SOS2: variants seen among roughly 807,000 people sequenced by gnomAD.
The protein encoded by SOS2 is son of sevenless homolog 2.
In SOS2, 65 loss-of-function variants were observed where a neutral mutation model predicts 148.2. That is an observed-to-expected ratio of 0.44 (90% CI 0.36 to 0.54). SOS2 has a LOEUF of 0.54. Among genes scored for constraint, SOS2 ranks in the 20% least tolerant of loss-of-function variants. The pLI, the probability that SOS2 is intolerant of heterozygous loss-of-function variation, is 0.00. For synonymous variants in SOS2, 539 were observed against 537.1 expected (o/e 1.00, Z -0.05); for missense variants, 1,341 against 1,590.2 (o/e 0.84, Z 2.67).
At chr14:50,183,890 C>T (rs1242496043) in intron 5 of SOS2, among the ~76,000 whole-genome samples, 3 of 152,154 alleles carry the variant, frequency 2.0e-5, no homozygotes, top group African/African-American at 4.8e-5. Flanking sequence ...CTGAGAAATG[C>T]GCTGTTAGGC....
rs141050037 is a variant in SOS2, at chr14:50,220,160, G to A, written c.87+11037C>T. On this transcript the variant is annotated intron_variant, in intron 1 of 22. Coordinates refer to ENST00000216373, the MANE Select transcript of SOS2 (RefSeq NM_006939.4). ...TCACGCCTGTAATCCCAGCACTTTG[G>A]GAGGCCGAAGCGGGCAGATCACGAG... Among the ~76,000 whole-genome samples the A allele has an allele frequency of 6.5e-3, 987 of 151,330 alleles. 11 individuals carry two copies. The highest frequency in any genetic ancestry group is 0.023 in the African/African-American group (929 of 41,170).
Position 50,134,171 on chromosome 14 carries a change from G to T in SOS2, c.3027C>A (p.Asn1009Lys). The change falls in exon 19 of 23, where the codon AAC becomes AAA. Residue 1009 changes from asparagine to lysine, a missense_variant. This residue lies in a region of SOS2 where 408 missense variants were observed against 506.6 expected (regional missense o/e 0.81). Transcript: ENST00000216373. Reference sequence around the variant, plus strand: ...TTCGAGGTTCAATTTCTAGTGACTTGTTGAACAAATAATCTGTAAACTCTT... The same window carrying T: ...TTCGAGGTTCAATTTCTAGTGACTTTTTGAACAAATAATCTGTAAACTCTT... ...SEKEFTDYLFNKSLEIEPRNC... is the reference protein window; with the variant it reads ...SEKEFTDYLFKKSLEIEPRNC... 6.2e-7 allele frequency: 1 copy of T among 1,609,098 alleles called. No homozygotes were observed. Among genetic ancestry groups the T allele is most frequent in the Non-Finnish European group, 8.5e-7 (1 of 1,176,076 alleles).
intron 1 of SOS2, among the ~76,000 whole-genome samples, chr14:50,227,568 C>T (rs1318221791): frequency 6.6e-6 from 1 of 152,128 alleles, no homozygotes; most frequent in Non-Finnish European, 1.5e-5. Flanking sequence ...CGTCCGCCAC[C>T]ACGCCCGGCT....
intron 1 of SOS2, among the ~76,000 whole-genome samples, chr14:50,204,655 C>T (rs1322923287): frequency 6.6e-6 from 1 of 152,178 alleles, no homozygotes; most frequent in Non-Finnish European, 1.5e-5. Context: ...TCTTCCCTAT[C>T]ACCAAAAAGC....
intron 1 of SOS2, among the ~76,000 whole-genome samples, chr14:50,220,138 C>T (rs1220934553): frequency 6.6e-6 from 1 of 151,062 alleles, no homozygotes; most frequent in Non-Finnish European, 1.5e-5. Flanking sequence ...CGGTGGCTCA[C>T]GCCTGTAATC....
In SOS2 at chr14:50,155,605, A is replaced by G. The variant is rs562066690; in HGVS notation, c.2057+1394T>C. Among the ~76,000 whole-genome samples, 4 of 152,108 alleles carry G rather than the reference A, an allele frequency of 2.6e-5. No individual in the cohort carries two copies. The East Asian group carries it at 7.7e-4, about 29-fold the overall frequency. On this transcript the variant is annotated intron_variant, in intron 12 of 22. Coordinates refer to ENST00000216373, the MANE Select transcript of SOS2 (RefSeq NM_006939.4). ...ATGTATTTTTCTAAGTCACTTAAGC[A>G]CTCCAAGTAGAACAATATATAACTG...
intron 5 of SOS2, among the ~76,000 whole-genome samples, chr14:50,186,739 CAT>C (rs984156989): frequency 6.6e-6 from 1 of 151,694 alleles, no homozygotes; most frequent in Non-Finnish European, 1.5e-5. Context: ...CTTTGAAAAA[CAT>C]AAAGTTCTGA....
At chr14:50,142,389 G>A (rs542763595) in intron 16 of SOS2, among the ~76,000 whole-genome samples, 6 of 152,018 alleles carry the variant, frequency 3.9e-5, no homozygotes, top group African/African-American at 1.4e-4. Context: ...CACCCAAACA[G>A]AAAAATATAT....
At chr14:50,170,179 C>T (rs1192442193) in intron 8 of SOS2, among the ~76,000 whole-genome samples, 1 of 151,142 alleles carries the variant, frequency 6.6e-6, no homozygotes, top group Non-Finnish European at 1.5e-5. Flanking sequence ...GTGACCTTCT[C>T]ACCTTGGCCT....
Position 50,130,518 on chromosome 14 carries a change from T to G in SOS2, c.3320A>C (p.Asp1107Ala). 1 of 1,613,998 alleles carries G rather than the reference T, an allele frequency of 6.2e-7. No individual in the cohort carries two copies. The highest frequency in any genetic ancestry group is 8.5e-7 in the Non-Finnish European group (1 of 1,179,892). ...ATACTTACCACAGGAGCTGTTGAGA[T>G]CCACATCTAAAAATACACTAAGGTC... ...SSDLSVFLDV[D>A]LNSSCGSNSI... The change falls in exon 20 of 23, where the codon GAT (aspartate) becomes GCT (alanine). Residue 1107 changes from aspartate (D) to alanine (A), a missense_variant. Asp to Ala is a moderately radical substitution (Grantham distance 126). This residue lies in a region of SOS2 where 354 missense variants were observed against 347.7 expected (regional missense o/e 1.02). Transcript: ENST00000216373.
intron 6 of SOS2, 57 bp downstream of exon 6, chr14:50,182,406 T>C: frequency 1.3e-6 from 2 of 1,508,276 alleles, no homozygotes; most frequent in Non-Finnish European, 1.8e-6. Context: ...CATCTCTAAG[T>C]TTCTTACTAC....
intron 5 of SOS2, among the ~76,000 whole-genome samples, chr14:50,183,460 A>G (rs1357152076): frequency 6.6e-6 from 1 of 152,176 alleles, no homozygotes; most frequent in Non-Finnish European, 1.5e-5. Context: ...ATTCCAAGAC[A>G]GTAAAAATCA....
intron 7 of SOS2, among the ~76,000 whole-genome samples, chr14:50,179,523 A>G (rs920947537): frequency 5.3e-5 from 8 of 151,960 alleles, no homozygotes; most frequent in African/African-American, 1.9e-4. Context: ...ACGCCACCAC[A>G]CTCGGCTAAG....
chr14:50,226,512 G>C (rs530051133), intron 1 of SOS2, among the ~76,000 whole-genome samples: 1 of 152,202 alleles, frequency 6.6e-6, no homozygotes, highest in Non-Finnish European at 1.5e-5. Context: ...AGCCCCTACC[G>C]ATCTTTTTCC....
intron 12 of SOS2, among the ~76,000 whole-genome samples, chr14:50,154,080 G>C (rs1884744373): frequency 6.6e-6 from 1 of 152,164 alleles, no homozygotes; most frequent in Non-Finnish European, 1.5e-5. Context: ...GAAAGACAAG[G>C]GGAGAGGGAA....
At position 50,138,726 on chromosome 14, in the gene SOS2, C is replaced by CT; in HGVS notation, c.2843dup (p.Lys949GlufsTer10). On this transcript the variant is annotated frameshift_variant, in exon 18 of 23. Transcript: ENST00000216373. LOFTEE classifies it high-confidence loss of function. ...TGAAATTGATTAAATCTTTCCCTTTCTTTTTTAAAAAATCATTATTCCCTT... is the reference window on the plus strand; with the variant it reads ...TGAAATTGATTAAATCTTTCCCTTTCTTTTTTTAAAAAATCATTATTCCCTT... 3 of 1,297,222 alleles carry CT rather than the reference C, an allele frequency of 2.3e-6. No homozygotes were observed. The highest frequency in any genetic ancestry group is 3.3e-6 in the Non-Finnish European group (3 of 914,514). 80.4% of individuals were successfully genotyped at this position (1,297,222 alleles called of 1,614,324 possible).
At chr14:50,151,509 A>T (rs1357501701) in intron 13 of SOS2, among the ~76,000 whole-genome samples, 1 of 152,204 alleles carries the variant, frequency 6.6e-6, no homozygotes, top group Non-Finnish European at 1.5e-5. Flanking sequence ...GAGAAATGTG[A>T]TATTCTACCA....
intron 1 of SOS2, among the ~76,000 whole-genome samples, chr14:50,224,042 TG>T (rs1251338935): frequency 5.3e-5 from 8 of 151,224 alleles, no homozygotes; most frequent in Non-Finnish European, 8.8e-5. Context: ...TCCCAACACT[TG>T]GGGGGCCGAG....
chr14:50,160,218 T>A, intron 9 of SOS2, 132 bp from the exon 10 acceptor site: 1 of 675,228 alleles, frequency 1.5e-6, no homozygotes, highest in Non-Finnish European at 2.4e-6. Flanking sequence ...CATTTAGTTC[T>A]AACTTTGCCA....
Sources: gnomAD v4.1 joint callset for allele counts (sites outside exome capture counted in the v4.1 genomes callset) on GRCh38, gnomAD v4.1.1 for gene constraint, gnomAD v4.1.1 regional missense constraint, MANE v1.5 for transcripts, NCBI Gene and HGNC (gene_info 2026-07-23, HGNC 2026-07-21) for gene names.